Variants in FMNL3 observed in about 807,000 individuals in gnomAD.
FMNL3 encodes the protein formin-like protein 3.
Under a neutral mutation model 119.6 loss-of-function variants are expected in FMNL3, and 57 were observed. The ratio of observed to expected loss-of-function variants is 0.48; its 90% CI spans 0.39 to 0.59. The LOEUF is 0.59. Among genes scored for constraint, FMNL3 ranks in the 20% least tolerant of loss-of-function variants. The pLI is 0.00. For synonymous variants in FMNL3, 491 were observed against 507.3 expected (o/e 0.97, Z 0.43); for missense variants, 1,053 against 1,323.5 (o/e 0.80, Z 3.17).
intron 14 of FMNL3, 136 bp downstream of exon 14, chr12:49,651,797 C>T (rs1010109076): frequency 1.4e-6 from 2 of 1,417,776 alleles, no homozygotes; most frequent in African/African-American, 2.9e-5. Flanking sequence ...GCCTCCCTCA[C>T]CCTGATTTTA....
rs745861500 is a variant in FMNL3 at position 49,656,896 on chromosome 12, C to T, written c.718G>A (p.Gly240Arg). The T allele has an allele frequency of 2.5e-6, 4 of 1,613,684 alleles. No individual in the cohort carries two copies. The highest frequency in any genetic ancestry group is 1.3e-5 in the African/African-American group (1 of 74,892). Reference sequence around the variant, plus strand: ...GGGTGGGACATGACCAGGTTGAATCCGTACTGCAAGGGAAAGGACAGAAGG... The same window carrying T: ...GGGTGGGACATGACCAGGTTGAATCTGTACTGCAAGGGAAAGGACAGAAGG... Reference protein sequence around the residue: ...CLRAIMNYQYGFNLVMSHPHA... With the variant: ...CLRAIMNYQYRFNLVMSHPHA... Residue 240 changes from glycine (G) to arginine (R), a missense_variant, in exon 8 of 26, where the codon GGA (glycine) becomes AGA (arginine). Around this residue, in one of 4 missense-constraint regions of FMNL3, gnomAD observed 445 missense variants for 628.4 expected, o/e 0.71. Coordinates refer to ENST00000335154, the MANE Select transcript of FMNL3 (RefSeq NM_175736.5).
chr12:49,695,267 T>C (rs1331709994), intron 1 of FMNL3, among the ~76,000 whole-genome samples: 1 of 152,172 alleles, frequency 6.6e-6, no homozygotes, highest in Non-Finnish European at 1.5e-5. Context: ...ATCCCAGAGG[T>C]AACTAACTAG....
At chr12:49,664,152 G>A (rs1262037902) in intron 4 of FMNL3, among the ~76,000 whole-genome samples, 2 of 152,228 alleles carry the variant, frequency 1.3e-5, no homozygotes, top group African/African-American at 2.4e-5. Context: ...GAAGGCAGAG[G>A]CAGAATGGCT....
At chr12:49,654,592 G>A (rs7300582) in intron 10 of FMNL3, among the ~76,000 whole-genome samples, 1 of 152,104 alleles carries the variant, frequency 6.6e-6, no homozygotes, top group African/African-American at 2.4e-5. Flanking sequence ...ACCTTACCTA[G>A]CCAAAGACCC....
In FMNL3 at chr12:49,671,112, G is replaced by C. The variant is rs542279379; in HGVS notation, c.127-2558C>G. ...GTGGCAGACATCACATCCTGTCTAT[G>C]CCAACTTCCTCCCTCAGCCACCCAC... On this transcript the variant is annotated intron_variant, in intron 1 of 25. Transcript: ENST00000335154. 1.8e-3 allele frequency among the ~76,000 whole-genome samples: 272 copies of C among 152,346 alleles called. 1 individual carries two copies. The highest frequency in any genetic ancestry group is 6.4e-3 in the African/African-American group (265 of 41,588).
Position 49,657,064 on chromosome 12 carries a change from C to T in FMNL3, c.714+18G>A. On this transcript the variant is annotated intron_variant, in intron 7 of 25. Transcript: ENST00000335154. ...GGCAGAAGAAGTAGAGCACCTATGG[C>T]TAGTGCTTCCCCCTTACCTGATAGT... 1 of 1,606,956 alleles carries T rather than the reference C, an allele frequency of 6.2e-7. No individual in the cohort carries two copies. The highest frequency in any genetic ancestry group is 8.5e-7 in the Non-Finnish European group (1 of 1,173,524).
chr12:49,683,313 C>T (rs1284765238), intron 1 of FMNL3, among the ~76,000 whole-genome samples: 1 of 152,178 alleles, frequency 6.6e-6, no homozygotes, highest in African/African-American at 2.4e-5. Context: ...CCCAGACTTC[C>T]ACAGGCTTTG....
At chr12:49,703,457 G>A (rs557214760) in intron 1 of FMNL3, among the ~76,000 whole-genome samples, 1 of 152,206 alleles carries the variant, frequency 6.6e-6, no homozygotes, top group Non-Finnish European at 1.5e-5. Flanking sequence ...ACTCAGATAG[G>A]GGGTAAGGAA....
intron 4 of FMNL3, among the ~76,000 whole-genome samples, chr12:49,665,024 C>G (rs922029830): frequency 6.6e-6 from 1 of 152,044 alleles, no homozygotes; most frequent in Non-Finnish European, 1.5e-5. Context: ...TTCTACATCA[C>G]GTGTCCCTCA....
rs370836092 is a variant in FMNL3 at position 49,664,615 on chromosome 12, G to A, written c.368+1217C>T. Among the ~76,000 whole-genome samples, 14 of 152,234 alleles carry A rather than the reference G, an allele frequency of 9.2e-5. No individual in the cohort carries two copies. The South Asian group carries it at 2.9e-3, about 32-fold the overall frequency. The stretch of plus-strand genomic sequence containing the variant: ...TCAGTGAAGGACTGACCAAACAAAG[G>A]AAGAGGCTTGGCCACACCTTTCTCA... On this transcript the variant is annotated intron_variant, in intron 4 of 25. Transcript: ENST00000335154.
chr12:49,696,594 G>A (rs575446933), intron 1 of FMNL3, among the ~76,000 whole-genome samples: 2 of 152,322 alleles, frequency 1.3e-5, no homozygotes, highest in Non-Finnish European at 2.9e-5. Context: ...GAAGTTGGTT[G>A]AATCCACAGA....
chr12:49,666,424 C>G (rs1468812529), intron 2 of FMNL3, among the ~76,000 whole-genome samples: 1 of 152,176 alleles, frequency 6.6e-6, no homozygotes, highest in East Asian at 1.9e-4. Flanking sequence ...CCAATTAGTG[C>G]TCCCTGAGCC....
At chr12:49,694,007 C>T (rs1944686237) in intron 1 of FMNL3, among the ~76,000 whole-genome samples, 1 of 151,838 alleles carries the variant, frequency 6.6e-6, no homozygotes, top group African/African-American at 2.4e-5. Flanking sequence ...GGCACAATCA[C>T]GGCTCACTGC....
At chr12:49,656,364 C>A (rs764327297) in intron 9 of FMNL3, 40 bp downstream of exon 9, 3 of 1,554,974 alleles carry the variant, frequency 1.9e-6, no homozygotes, top group Non-Finnish European at 2.6e-6. Context: ...CCTTCTCCCC[C>A]GCAAACACAC....
In FMNL3 at chr12:49,666,123, T is replaced by C; in HGVS notation, c.291+4A>G. 1 of 1,613,718 alleles carries C rather than the reference T, an allele frequency of 6.2e-7. No individual in the cohort carries two copies. Among genetic ancestry groups the C allele is most frequent in the Non-Finnish European group, 8.5e-7 (1 of 1,179,724 alleles). ...AGACGGGGACTCTCTGCCTCATACT[T>C]CACCTTCCGAGTTACACTGGGGTCC... On this transcript the variant is annotated splice_donor_region_variant and intron_variant, in intron 3 of 25. Transcript: ENST00000335154.
At chr12:49,663,574 A>G (rs564628351) in intron 4 of FMNL3, among the ~76,000 whole-genome samples, 6 of 152,380 alleles carry the variant, frequency 3.9e-5, no homozygotes, top group Non-Finnish European at 7.3e-5. Context: ...GCCGCAGTTC[A>G]GATGGCAGGC....
In FMNL3 at chr12:49,642,973, G is replaced by A; in HGVS notation, c.*2842C>T. ...CACACCAAAGGCCGAAAGCATGGCA[G>A]GAAAGGCAAGAAGCACCATCACAAG... is the stretch of plus-strand genomic sequence containing the variant. On this transcript the variant is annotated 3_prime_UTR_variant, in exon 26 of 26. Transcript: ENST00000335154. The surrounding 1 kb of genome is among the most constrained non-coding windows in gnomAD (Gnocchi z 5.8). 1 of 1,613,898 alleles carries A rather than the reference G, an allele frequency of 6.2e-7. No individual in the cohort carries two copies. Among genetic ancestry groups the A allele is most frequent in the East Asian group, 2.2e-5 (1 of 44,876 alleles).
At chr12:49,683,892 A>T (rs1236647227) in intron 1 of FMNL3, among the ~76,000 whole-genome samples, 1 of 152,144 alleles carries the variant, frequency 6.6e-6, no homozygotes, top group African/African-American at 2.4e-5. Flanking sequence ...GCCTCTGCTC[A>T]TGCTGTCCTC....
Position 49,646,493 on chromosome 12 carries a change from T to C in FMNL3, c.2995+393A>G, listed in dbSNP as rs929090196. 18 of 643,258 alleles carry C rather than the reference T, an allele frequency of 2.8e-5. No homozygotes were observed. The African/African-American group carries it at 3.3e-4, about 12-fold the overall frequency. 39.8% of individuals were successfully genotyped at this position (643,258 alleles called of 1,614,324 possible). A position where few individuals can be genotyped will look rare whatever the true frequency, so the allele number is the denominator to read the frequency against. On this transcript the variant is annotated intron_variant, in intron 25 of 25. Coordinates refer to ENST00000335154, the MANE Select transcript of FMNL3 (RefSeq NM_175736.5). The stretch of plus-strand genomic sequence containing the variant: ...GGGATATGCCACACTTCTCAGAGCA[T>C]GGGGCATGCAAGAAGTATGTGTCCC...
Sources: allele counts gnomAD v4.1 joint callset (sites outside exome capture counted in the v4.1 genomes callset), GRCh38; gene constraint gnomAD v4.1.1; regional missense constraint gnomAD v4.1.1; non-coding constraint Gnocchi (gnomAD v3.1); transcripts MANE v1.5; gene names NCBI Gene and HGNC (gene_info 2026-07-23, HGNC 2026-07-21).